PLCB1: variants seen among roughly 807,000 people sequenced by gnomAD.
PLCB1 encodes phospholipase C beta 1.
Under a neutral mutation model 161.8 loss-of-function variants are expected in PLCB1, and 46 were observed. That is an observed-to-expected ratio of 0.28 (90% CI 0.22 to 0.36). The LOEUF is 0.36. Ranked by LOEUF, PLCB1 falls within the 10% of genes least tolerant of loss-of-function variation. The probability of loss-of-function intolerance (pLI) is 1.00; values close to 1 mark genes in which losing one functional copy is unlikely to be tolerated. For synonymous variants in PLCB1, 517 were observed against 503.7 expected (o/e 1.03, Z -0.35); for missense variants, 1,016 against 1,472.5 (o/e 0.69, Z 5.07).
intron 3 of PLCB1, among the ~76,000 whole-genome samples, chr20:8,587,005 T>C (rs190830267): frequency 2.6e-5 from 4 of 152,272 alleles, no homozygotes; most frequent in Admixed American, 2.6e-4. Context: ...GCATAAGCTG[T>C]ATAACAATGA....
chr20:8,844,659 C>T (rs960112124), intron 31 of PLCB1, among the ~76,000 whole-genome samples: 1 of 152,142 alleles, frequency 6.6e-6, no homozygotes, highest in African/African-American at 2.4e-5. Context: ...CACTAACAAC[C>T]TTTTAACAAA....
chr20:8,773,508 C>G (rs1982794607), intron 26 of PLCB1, among the ~76,000 whole-genome samples: 1 of 152,200 alleles, frequency 6.6e-6, no homozygotes, highest in African/African-American at 2.4e-5. Flanking sequence ...AAGAACAATG[C>G]AGAGAAAGTC....
chr20:8,554,058 T>G (rs1243847986), intron 3 of PLCB1, among the ~76,000 whole-genome samples: 1 of 150,756 alleles, frequency 6.6e-6, no homozygotes, highest in Non-Finnish European at 1.5e-5. Context: ...CCACTATACA[T>G]TCACTAAAAT....
At chr20:8,445,136 A>C (rs1332452737) in intron 3 of PLCB1, among the ~76,000 whole-genome samples, 5 of 152,174 alleles carry the variant, frequency 3.3e-5, no homozygotes, top group East Asian at 3.9e-4. Flanking sequence ...CTATGTCCTA[A>C]ATGGTATTGC....
Position 8,874,284 on chromosome 20 carries a change from A to C in PLCB1, c.3424-7338A>C, listed in dbSNP as rs565065585. ...CAACAGATGCTCCCAGAGAAGAAAA[A>C]GAATAAAATAATTGAAAATGTCTAC... On this transcript the variant is annotated intron_variant, in intron 31 of 31. Transcript: ENST00000338037. Among the ~76,000 whole-genome samples, 220 of 151,906 alleles carry C rather than the reference A, an allele frequency of 1.4e-3. 1 individual carries two copies. The highest frequency in any genetic ancestry group is 5.1e-3 in the African/African-American group (210 of 41,502).
chr20:8,311,408 T>G (rs2123337805), intron 2 of PLCB1, among the ~76,000 whole-genome samples: 1 of 152,330 alleles, frequency 6.6e-6, no homozygotes. Context: ...TGGGAAGATA[T>G]CTGCTTCCTG....
chr20:8,408,482 A>G (rs1016002488), intron 3 of PLCB1, among the ~76,000 whole-genome samples: 1 of 152,054 alleles, frequency 6.6e-6, no homozygotes, highest in Non-Finnish European at 1.5e-5. Flanking sequence ...TGAAATAGGT[A>G]CTGTAAAACT....
At chr20:8,152,152 A>G (rs2051515269) in intron 2 of PLCB1, among the ~76,000 whole-genome samples, 3 of 152,254 alleles carry the variant, frequency 2.0e-5, no homozygotes, top group Middle Eastern at 3.4e-3. Flanking sequence ...TTACTCTTAC[A>G]GTTCTAGCCA....
intron 2 of PLCB1, among the ~76,000 whole-genome samples, chr20:8,369,773 C>G (rs1250265040): frequency 6.6e-6 from 1 of 152,158 alleles, no homozygotes; most frequent in Admixed American, 6.6e-5. Context: ...TCAGAGTGAG[C>G]AAGAGCAGAG....
At chr20:8,299,230 C>G (rs936517474) in intron 2 of PLCB1, among the ~76,000 whole-genome samples, 1 of 152,162 alleles carries the variant, frequency 6.6e-6, no homozygotes, top group African/African-American at 2.4e-5. Flanking sequence ...TCTGTTCTCT[C>G]TATCCATTAT....
intron 3 of PLCB1, among the ~76,000 whole-genome samples, chr20:8,403,808 G>A (rs1254642333): frequency 6.6e-6 from 1 of 152,220 alleles, no homozygotes; most frequent in African/African-American, 2.4e-5. Flanking sequence ...ATTTTTTTCA[G>A]CATCTAGAAT....
intron 16 of PLCB1, among the ~76,000 whole-genome samples, chr20:8,726,622 A>G (rs1192474750): frequency 6.6e-6 from 1 of 152,032 alleles, no homozygotes; most frequent in Non-Finnish European, 1.5e-5. Context: ...ATGCATTATC[A>G]TGAGAACAAC....
chr20:8,199,245 T>C (rs1600230001), intron 2 of PLCB1, among the ~76,000 whole-genome samples: 1 of 152,128 alleles, frequency 6.6e-6, no homozygotes, highest in East Asian at 1.9e-4. Context: ...GATGGAAATT[T>C]CGCCATTGTC....
chr20:8,811,441 T>C (rs1306218206), intron 31 of PLCB1, among the ~76,000 whole-genome samples: 1 of 152,200 alleles, frequency 6.6e-6, no homozygotes, highest in Non-Finnish European at 1.5e-5. Flanking sequence ...AAAGAGTTGC[T>C]TCTATAGCCC....
intron 10 of PLCB1, among the ~76,000 whole-genome samples, chr20:8,697,214 G>A (rs1329248964): frequency 6.6e-6 from 1 of 152,028 alleles, no homozygotes; most frequent in African/African-American, 2.4e-5. Flanking sequence ...CTATAATCCT[G>A]GATCTTCTAC....
At chr20:8,793,689 A>G (rs1983880564) in intron 31 of PLCB1, among the ~76,000 whole-genome samples, 1 of 152,184 alleles carries the variant, frequency 6.6e-6, no homozygotes, top group Admixed American at 6.5e-5. Context: ...AGATCACAGG[A>G]CCACAGGACC....
At chr20:8,722,203 G>A (rs528656741) in intron 14 of PLCB1, 151 bp from the exon 15 acceptor site, 202 of 532,152 alleles carry the variant, frequency 3.8e-4, no homozygotes, top group African/African-American at 3.7e-3. Context: ...TTTCTATAAC[G>A]AATAAAATTT....
At chr20:8,869,934 A>G (rs1052718870) in intron 31 of PLCB1, among the ~76,000 whole-genome samples, 49 of 152,302 alleles carry the variant, frequency 3.2e-4, no homozygotes, top group African/African-American at 1.2e-3. Flanking sequence ...ATCTTCTACT[A>G]GAGTAGTCTA....
At chr20:8,631,467 A>G (rs1171289299) in intron 4 of PLCB1, among the ~76,000 whole-genome samples, 1 of 152,234 alleles carries the variant, frequency 6.6e-6, no homozygotes, top group East Asian at 1.9e-4. Context: ...CTAGATTCAC[A>G]TTAAGTAAGA....
Sources: gnomAD v4.1 joint callset for allele counts (sites outside exome capture counted in the v4.1 genomes callset) on GRCh38, gnomAD v4.1.1 for gene constraint, MANE v1.5 for transcripts, NCBI Gene and HGNC (gene_info 2026-07-23, HGNC 2026-07-21) for gene names.